TNR: variants seen among roughly 807,000 people sequenced by gnomAD.
The protein encoded by TNR is tenascin-R.
Under a neutral mutation model 150.4 loss-of-function variants are expected in TNR, and 45 were observed. The ratio of observed to expected loss-of-function variants is 0.30; its 90% CI spans 0.24 to 0.38. The LOEUF (loss-of-function observed/expected upper bound fraction) is 0.38, where lower values mean the gene tolerates loss of function less well. Ranked by LOEUF, TNR falls within the 10% of genes least tolerant of loss-of-function variation. TNR has a pLI of 1.00. For synonymous variants in TNR, 687 were observed against 678.4 expected, an observed-to-expected ratio of 1.01 and a Z score of -0.20; for missense variants, 1,544 against 1,759.1, an observed-to-expected ratio of 0.88 and a Z score of 2.19.
At chr1:175,515,151 G>T (rs1394814112) in intron 2 of TNR, among the ~76,000 whole-genome samples, 1 of 152,174 alleles carries the variant, frequency 6.6e-6, no homozygotes, top group African/African-American at 2.4e-5. Context: ...ATGTGATCGG[G>T]TGTATTTATT....
At chr1:175,520,899 A>C (rs1659612191) in intron 2 of TNR, among the ~76,000 whole-genome samples, 1 of 152,112 alleles carries the variant, frequency 6.6e-6, no homozygotes, top group South Asian at 2.1e-4. Flanking sequence ...TTAGACAGAA[A>C]TTCTACTAAC....
intron 18 of TNR, among the ~76,000 whole-genome samples, chr1:175,338,849 G>A (rs1650373048): frequency 6.6e-6 from 1 of 152,178 alleles, no homozygotes; most frequent in Non-Finnish European, 1.5e-5. Context: ...GTCAGGAAGA[G>A]GTGGTTAGAG....
chr1:175,637,855 T>C (rs1664534685), intron 1 of TNR, among the ~76,000 whole-genome samples: 1 of 152,196 alleles, frequency 6.6e-6, no homozygotes, highest in Non-Finnish European at 1.5e-5. Flanking sequence ...TATCTGTACA[T>C]GTGGCCTCAT....
At chr1:175,323,534 C>G in intron 22 of TNR, 58 bp from the exon 23 acceptor site, 1 of 1,577,630 alleles carries the variant, frequency 6.3e-7, no homozygotes, top group Non-Finnish European at 8.6e-7. Flanking sequence ...CGCCCCACTT[C>G]AAAAAAGGGG....
At chr1:175,607,429 TC>T (rs1663445166) in intron 1 of TNR, among the ~76,000 whole-genome samples, 1 of 152,228 alleles carries the variant, frequency 6.6e-6, no homozygotes, top group South Asian at 2.1e-4. Context: ...AGTGGGTACC[TC>T]TTGGAGAAAG....
chr1:175,372,972 TTATTA>T (rs1652173874), intron 9 of TNR, among the ~76,000 whole-genome samples: 2 of 152,166 alleles, frequency 1.3e-5, no homozygotes, highest in South Asian at 4.1e-4. Context: ...AGTGATTATG[TTATTA>T]TTGTTAGTTT....
chr1:175,419,768 C>T (rs948974467), intron 2 of TNR, among the ~76,000 whole-genome samples: 11 of 152,168 alleles, frequency 7.2e-5, no homozygotes, highest in African/African-American at 2.4e-4. Flanking sequence ...AAGTGTGAGC[C>T]ACCGCACCTG....
chr1:175,584,994 G>A (rs1662509836), intron 1 of TNR, among the ~76,000 whole-genome samples: 1 of 152,196 alleles, frequency 6.6e-6, no homozygotes, highest in African/African-American at 2.4e-5. Flanking sequence ...CACGTCATTG[G>A]TTTACTGGCT....
intron 1 of TNR, among the ~76,000 whole-genome samples, chr1:175,541,269 T>C (rs1488471843): frequency 1.3e-5 from 2 of 152,238 alleles, no homozygotes; most frequent in African/African-American, 4.8e-5. Context: ...CAGCTTTAGC[T>C]TGGCCTGCAG....
chr1:175,404,016 A>C (rs561872187), intron 3 of TNR, among the ~76,000 whole-genome samples: 1 of 152,284 alleles, frequency 6.6e-6, no homozygotes, highest in African/African-American at 2.4e-5. Flanking sequence ...TGCATTATCA[A>C]GCCAAGTTCC....
chr1:175,576,642 CCAAG>C (rs200643851), intron 1 of TNR, among the ~76,000 whole-genome samples: 3,527 of 152,268 alleles, frequency 0.023, 137 homozygotes, highest in African/African-American at 0.078. Flanking sequence ...CCACACCATC[CCAAG>C]CTTGTAAATA....
chr1:175,669,864 G>A (rs1318919320), intron 1 of TNR, among the ~76,000 whole-genome samples: 1 of 152,150 alleles, frequency 6.6e-6, no homozygotes, highest in Non-Finnish European at 1.5e-5. Flanking sequence ...TACTGCTTCT[G>A]AGCATCTCCA....
rs114938939 is a variant in TNR at position 175,344,841 on chromosome 1, G to A, written c.3383-7162C>T. 4.5e-3 allele frequency among the ~76,000 whole-genome samples: 680 copies of A among 152,096 alleles called. 6 individuals carry two copies. The highest frequency in any genetic ancestry group is 0.015 in the African/African-American group (634 of 41,480). ...GAAATAGAACAAGAGGGAACATTGC[G>A]CAACTCATTCATTGCAGCCAGCATT... is the stretch of plus-strand genomic sequence containing the variant. On this transcript the variant is annotated intron_variant, in intron 18 of 22. Transcript: ENST00000367674.
chr1:175,440,594 G>A (rs368678503), intron 2 of TNR, among the ~76,000 whole-genome samples: 6 of 151,946 alleles, frequency 3.9e-5, no homozygotes, highest in Admixed American at 6.6e-5. Flanking sequence ...CATTGATGAC[G>A]AGAGCCCAGC....
At chr1:175,524,069 G>A (rs925836901) in intron 2 of TNR, among the ~76,000 whole-genome samples, 1 of 151,868 alleles carries the variant, frequency 6.6e-6, no homozygotes, top group African/African-American at 2.4e-5. Context: ...TTTCCTTGCT[G>A]CCCCCTCCCC....
chr1:175,637,248 T>C (rs1445694816), intron 1 of TNR, among the ~76,000 whole-genome samples: 1 of 152,236 alleles, frequency 6.6e-6, no homozygotes, highest in African/African-American at 2.4e-5. Flanking sequence ...TGCTAGAATA[T>C]GATAACAGAG....
chr1:175,710,302 C>T (rs532740032), intron 1 of TNR, among the ~76,000 whole-genome samples: 2 of 152,182 alleles, frequency 1.3e-5, no homozygotes, highest in South Asian at 4.2e-4. Context: ...TTTCCTAGCT[C>T]CTGGCTGGAC....
chr1:175,352,107 C>CA (rs1557879678), intron 18 of TNR, among the ~76,000 whole-genome samples: 1 of 152,078 alleles, frequency 6.6e-6, no homozygotes, highest in African/African-American at 2.4e-5. Context: ...ATCCCAGATC[C>CA]AAAAAACTGT....
intron 2 of TNR, among the ~76,000 whole-genome samples, chr1:175,507,510 C>G (rs1659007171): frequency 6.6e-6 from 1 of 152,086 alleles, no homozygotes; most frequent in African/African-American, 2.4e-5. Flanking sequence ...CTGTTGATAG[C>G]CCTTGCTTTC....
Sources: gnomAD v4.1 joint callset for allele counts (sites outside exome capture counted in the v4.1 genomes callset) on GRCh38, gnomAD v4.1.1 for gene constraint, MANE v1.5 for transcripts, NCBI Gene and HGNC (gene_info 2026-07-23, HGNC 2026-07-21) for gene names.